PCSK2: variants seen among roughly 807,000 people sequenced by gnomAD.
The protein encoded by PCSK2 is neuroendocrine convertase 2.
In PCSK2, 14 loss-of-function variants were observed where a neutral mutation model predicts 69.7. The observed-to-expected ratio is 0.20, with a 90% CI of 0.13 to 0.31. The LOEUF (loss-of-function observed/expected upper bound fraction) is 0.31. Ranked by LOEUF, PCSK2 falls within the 10% of genes least tolerant of loss-of-function variation. The pLI, the probability that PCSK2 is intolerant of heterozygous loss-of-function variation, is 1.00. For missense variants in PCSK2, 544 were observed against 842.5 expected (o/e 0.65, Z 4.39); for synonymous variants, 307 against 320.7 (o/e 0.96, Z 0.46).
intron 2 of PCSK2, among the ~76,000 whole-genome samples, chr20:17,352,132 A>G (rs1197023245): frequency 6.6e-6 from 1 of 152,210 alleles, no homozygotes; most frequent in Non-Finnish European, 1.5e-5. Context: ...ACCTAAGAAT[A>G]CATTTAACGA....
At chr20:17,226,857 G>C (rs1481504898), upstream of PCSK2, 1 of 138,546 alleles carries the variant, frequency 7.2e-6, no homozygotes, top group African/African-American at 2.6e-5. Flanking sequence ...GGGCCGGGCC[G>C]GGCCGGGGGT....
At chr20:17,249,763 G>A (rs1175996660) in intron 1 of PCSK2, among the ~76,000 whole-genome samples, 2 of 152,138 alleles carry the variant, frequency 1.3e-5, no homozygotes, top group Non-Finnish European at 2.9e-5. Context: ...AATACTGTAT[G>A]ATTCCACTTA....
chr20:17,439,785 G>A (rs1050489741), intron 8 of PCSK2, among the ~76,000 whole-genome samples: 1 of 152,144 alleles, frequency 6.6e-6, no homozygotes, highest in Non-Finnish European at 1.5e-5. Context: ...AGCGCAGTGG[G>A]TGGCCAACTT....
intron 11 of PCSK2, among the ~76,000 whole-genome samples, chr20:17,469,405 G>A (rs1455719663): frequency 1.3e-5 from 2 of 152,224 alleles, no homozygotes; most frequent in Non-Finnish European, 2.9e-5. Flanking sequence ...CTGGTCCCAT[G>A]CTGGGTGTCA....
At chr20:17,277,734 TA>T (rs1988141892) in intron 2 of PCSK2, among the ~76,000 whole-genome samples, 3 of 151,556 alleles carry the variant, frequency 2.0e-5, no homozygotes, top group Non-Finnish European at 4.4e-5. Flanking sequence ...CTAATTAAAC[TA>T]AAGAGCTTCT....
chr20:17,459,712 TCCCAAGCCTCA>T (rs2032981485), intron 10 of PCSK2, among the ~76,000 whole-genome samples: 1 of 152,116 alleles, frequency 6.6e-6, no homozygotes, highest in African/African-American at 2.4e-5. Flanking sequence ...AAAAATACAT[TCCCAAGCCTCA>T]CCCAAGCCTC....
Position 17,227,258 on chromosome 20 carries a change from C to T in PCSK2, c.-48C>T, listed in dbSNP as rs756377799. The T allele has an allele frequency of 2.0e-6, 3 of 1,466,962 alleles. No individual in the cohort carries two copies. In the South Asian group the frequency reaches 3.4e-5, roughly 17 times the overall value. The allele number at this position is 1,466,962 out of a possible 1,614,324, so 90.9% of individuals were successfully genotyped here. ...GCACCCTCCCTCCGAGTCCCCTGCT[C>T]CGCCAGCCTGCGCGCCTCCTAGCAC... On this transcript the variant is annotated 5_prime_UTR_variant, in exon 1 of 12. Transcript: ENST00000262545.
At chr20:17,354,928 G>A (rs1348320075) in intron 2 of PCSK2, among the ~76,000 whole-genome samples, 3 of 152,090 alleles carry the variant, frequency 2.0e-5, no homozygotes, top group African/African-American at 7.2e-5. Flanking sequence ...AGTTATTTGT[G>A]TGTAACAAGT....
At chr20:17,235,269 A>C (rs929458623) in intron 1 of PCSK2, among the ~76,000 whole-genome samples, 1 of 152,152 alleles carries the variant, frequency 6.6e-6, no homozygotes, top group African/African-American at 2.4e-5. Context: ...TAATTTCCTG[A>C]CATAAAGTAG....
chr20:17,403,878 T>C (rs1303455620), intron 5 of PCSK2, among the ~76,000 whole-genome samples: 2 of 152,236 alleles, frequency 1.3e-5, no homozygotes, highest in African/African-American at 4.8e-5. Flanking sequence ...ACTATAACCA[T>C]AGAGACCTGT....
intron 2 of PCSK2, among the ~76,000 whole-genome samples, chr20:17,348,066 A>AGAAAG (rs1185511656): frequency 4.8e-5 from 7 of 145,998 alleles, no homozygotes; most frequent in African/African-American, 1.8e-4. Context: ...AAAGAAAGAA[A>AGAAAG]GAAAGAAAGA....
At chr20:17,267,811 G>A (rs2123016175) in intron 2 of PCSK2, among the ~76,000 whole-genome samples, 1 of 152,086 alleles carries the variant, frequency 6.6e-6, no homozygotes, top group Non-Finnish European at 1.5e-5. Flanking sequence ...ATTCTTACAA[G>A]CCCTGGTATA....
At chr20:17,464,479 A>G (rs1004215511) in intron 10 of PCSK2, 1 of 152,208 alleles carries the variant, frequency 6.6e-6, no homozygotes, top group African/African-American at 2.4e-5. Flanking sequence ...TCCTTTTCAA[A>G]AATGGAACAC....
chr20:17,233,289 G>T (rs1322189526), intron 1 of PCSK2, among the ~76,000 whole-genome samples: 1 of 152,176 alleles, frequency 6.6e-6, no homozygotes, highest in African/African-American at 2.4e-5. Context: ...TGTAGTTAGT[G>T]CATGTAAAGT....
intron 7 of PCSK2, among the ~76,000 whole-genome samples, chr20:17,434,844 G>A (rs1352081175): frequency 6.6e-6 from 1 of 152,196 alleles, no homozygotes; most frequent in Non-Finnish European, 1.5e-5. Flanking sequence ...CCCACAGAGT[G>A]GGCGTGACTT....
intron 2 of PCSK2, among the ~76,000 whole-genome samples, chr20:17,349,316 A>G (rs1331250755): frequency 1.3e-5 from 2 of 152,346 alleles, no homozygotes; most frequent in Non-Finnish European, 2.9e-5. Flanking sequence ...TGTGCCTACA[A>G]AGAAGTCAAG....
In PCSK2 at chr20:17,480,184, C is replaced by CTTTTTTTTTTTTTTTTTTT. The variant is rs1164266992; in HGVS notation, c.1431-1395_1431-1377dup. Among the ~76,000 whole-genome samples, 494 of 76,970 alleles carry CTTTTTTTTTTTTTTTTTTT rather than the reference C, an allele frequency of 6.4e-3. 26 individuals carry two copies. The highest frequency in any genetic ancestry group is 9.4e-3 in the African/African-American group (161 of 17,052). The allele number at this position is 76,970 out of a possible 152,430, so 50.5% of individuals were successfully genotyped here. The stretch of plus-strand genomic sequence containing the variant: ...ATTAATTTACCCATTTTCAGCTTTT[C>CTTTTTTTTTTTTTTTTTTT]TTTTTTTTTTTTTTTTTTTTTTTGA... On this transcript the variant is annotated intron_variant, in intron 11 of 11. Transcript: ENST00000262545.
chr20:17,254,226 T>C (rs1157288816), intron 1 of PCSK2, among the ~76,000 whole-genome samples: 3 of 152,226 alleles, frequency 2.0e-5, no homozygotes, highest in African/African-American at 7.2e-5. Context: ...AAGTACAATT[T>C]ATGTTCTTAC....
intron 10 of PCSK2, among the ~76,000 whole-genome samples, chr20:17,462,291 C>T (rs1040564468): frequency 1.1e-4 from 16 of 152,192 alleles, no homozygotes; most frequent in African/African-American, 3.9e-4. Context: ...TAACCATCCC[C>T]AGGTGATTCC....
Sources: gnomAD v4.1 joint callset for allele counts (sites outside exome capture counted in the v4.1 genomes callset) on GRCh38, gnomAD v4.1.1 for gene constraint, MANE v1.5 for transcripts, NCBI Gene and HGNC (gene_info 2026-07-23, HGNC 2026-07-21) for gene names.